ABLIM1: variants seen among roughly 807,000 people sequenced by gnomAD.
ABLIM1 encodes actin binding LIM protein 1, also known as actin-binding LIM protein 1.
A neutral mutation model predicts 107.0 loss-of-function variants in ABLIM1; 40 were observed. The ratio of observed to expected loss-of-function variants is 0.37; its 90% CI spans 0.29 to 0.49. The LOEUF (loss-of-function observed/expected upper bound fraction) is 0.49. ABLIM1 is among the 20% of genes least tolerant of loss of function. ABLIM1 has a pLI of 0.97. For missense variants in ABLIM1, 857 were observed against 1,008.5 expected, an observed-to-expected ratio of 0.85 and a Z score of 2.04; for synonymous variants, 357 against 357.3, an observed-to-expected ratio of 1.00 and a Z score of 0.01.
At chr10:114,776,902 G>A in the ABLIM1 span, among the ~76,000 whole-genome samples, 1 of 152,162 alleles carries the variant, frequency 6.6e-6, no homozygotes, top group Admixed American at 6.5e-5. Flanking sequence ...ACAGGTGTGA[G>A]CCATCACACC....
At chr10:114,662,434 C>T (rs887704361), upstream of ABLIM1, among the ~76,000 whole-genome samples, 4 of 152,034 alleles carry the variant, frequency 2.6e-5, no homozygotes, top group African/African-American at 4.8e-5. Context: ...TGCTCAGCAG[C>T]GGCTATCCCT....
intron 1 of ABLIM1, among the ~76,000 whole-genome samples, chr10:114,624,937 C>G (rs1182373849): frequency 6.6e-6 from 1 of 152,016 alleles, no homozygotes; most frequent in African/African-American, 2.4e-5. Context: ...TTCTCTCAAG[C>G]AGAATATGAT....
At chr10:114,651,432 C>G (rs1240082230) in intron 1 of ABLIM1, among the ~76,000 whole-genome samples, 1 of 152,130 alleles carries the variant, frequency 6.6e-6, no homozygotes. Flanking sequence ...TAACCTGCAG[C>G]CTGCTGGGCC....
chr10:114,447,839 T>C (rs1398435293), intron 15 of ABLIM1, 41 bp downstream of exon 15: 2 of 1,611,394 alleles, frequency 1.2e-6, no homozygotes, highest in Non-Finnish European at 1.7e-6. Flanking sequence ...TGAGCTCTCC[T>C]AGCAGTTTGT....
chr10:114,716,076 C>T (rs1163903353), intron 1 of ABLIM1, among the ~76,000 whole-genome samples: 1 of 152,138 alleles, frequency 6.6e-6, no homozygotes, highest in African/African-American at 2.4e-5. Flanking sequence ...AGTGTTTCCA[C>T]AAAATGGTAT....
chr10:114,532,472 G>T (rs1204200644), intron 6 of ABLIM1, among the ~76,000 whole-genome samples: 6 of 152,210 alleles, frequency 3.9e-5, no homozygotes, highest in African/African-American at 4.8e-5. Flanking sequence ...GCACATTCAG[G>T]TGTGAAACAG....
At chr10:114,683,574 G>C (rs60092663) in intron 1 of ABLIM1, among the ~76,000 whole-genome samples, 52 of 152,078 alleles carry the variant, frequency 3.4e-4, no homozygotes, top group Admixed American at 3.4e-3. Context: ...GAAGAGTGGC[G>C]AGATTGGAAG....
chr10:114,754,140 CT>C (rs955396567), intron 1 of ABLIM1, among the ~76,000 whole-genome samples: 1 of 152,206 alleles, frequency 6.6e-6, no homozygotes, highest in Admixed American at 6.5e-5. Context: ...GTGTGAGCCA[CT>C]GCGCCCAGCC....
intron 6 of ABLIM1, among the ~76,000 whole-genome samples, chr10:114,519,927 C>T (rs577346221): frequency 2.4e-4 from 36 of 152,330 alleles, no homozygotes; most frequent in African/African-American, 8.4e-4. Context: ...GATTATGTGC[C>T]AAGGAAAGCT....
chr10:114,612,674 A>C (rs1008134621), intron 1 of ABLIM1, among the ~76,000 whole-genome samples: 2 of 152,218 alleles, frequency 1.3e-5, no homozygotes, highest in African/African-American at 4.8e-5. Flanking sequence ...CTTAGAAATG[A>C]ATCCAGTCTA....
chr10:114,770,718 G>C (rs142026035), upstream of ABLIM1, among the ~76,000 whole-genome samples: 210 of 152,280 alleles, frequency 1.4e-3, no homozygotes, highest in Non-Finnish European at 2.5e-3. Flanking sequence ...TGAAATCAGG[G>C]ACTTGGCCAG....
chr10:114,781,460 T>C, the ABLIM1 span, among the ~76,000 whole-genome samples: 1 of 151,420 alleles, frequency 6.6e-6, no homozygotes, highest in African/African-American at 2.4e-5. Flanking sequence ...GCCGAGATCA[T>C]GCCACTGCAC....
At chr10:114,672,925 T>C (rs2080316864) in intron 1 of ABLIM1, among the ~76,000 whole-genome samples, 1 of 151,890 alleles carries the variant, frequency 6.6e-6, no homozygotes, top group African/African-American at 2.4e-5. Flanking sequence ...CATATGTGAG[T>C]GGTATTGTTT....
At chr10:114,533,340 CA>C (rs963752896) in intron 6 of ABLIM1, among the ~76,000 whole-genome samples, 4 of 147,982 alleles carry the variant, frequency 2.7e-5, no homozygotes, top group Admixed American at 2.0e-4. Flanking sequence ...GACTCTGTCT[CA>C]AAAAAAAATA....
chr10:114,453,499 T>A lies in ABLIM1; in HGVS notation c.1442-16A>T. The A allele has an allele frequency of 1.3e-6, 2 of 1,505,090 alleles. No individual in the cohort carries two copies. The highest frequency in any genetic ancestry group is 1.4e-5 in the African/African-American group (1 of 70,304). The allele number at this position is 1,505,090 out of a possible 1,614,324, so 93.2% of individuals were successfully genotyped here. ...GGCTCATTGCCTCCAATGAGAAGAATGGAAAAAACAAAATGAGAGAAGGGA... is the reference window on the plus strand; with the variant it reads ...GGCTCATTGCCTCCAATGAGAAGAAAGGAAAAAACAAAATGAGAGAAGGGA... On this transcript the variant is annotated splice_polypyrimidine_tract_variant and intron_variant, in intron 12 of 22. Coordinates refer to ENST00000533213, the MANE Select transcript of ABLIM1 (RefSeq NM_002313.7).
At chr10:114,716,412 C>A (rs74158039) in intron 1 of ABLIM1, among the ~76,000 whole-genome samples, 327 of 126,610 alleles carry the variant, frequency 2.6e-3, no homozygotes, top group Middle Eastern at 0.011. Flanking sequence ...TAGAGAGAAA[C>A]ACACACACAC....
Position 114,563,353 on chromosome 10 carries a change from C to T in ABLIM1, c.673+7944G>A, listed in dbSNP as rs118124155. ...TTGATTCAATTTCCGGAACTTTTAT[C>T]TAGGACTTTAAGTGCTAGGCCTTGT... On this transcript the variant is annotated intron_variant, in intron 4 of 22. Coordinates refer to ENST00000533213, the MANE Select transcript of ABLIM1 (RefSeq NM_002313.7). Among the ~76,000 whole-genome samples, 621 of 152,242 alleles carry T rather than the reference C, an allele frequency of 4.1e-3. 1 individual carries two copies. The highest frequency in any genetic ancestry group is 7.3e-3 in the Non-Finnish European group (497 of 68,018).
chr10:114,502,711 G>A (rs2060592788), intron 6 of ABLIM1, among the ~76,000 whole-genome samples: 1 of 152,082 alleles, frequency 6.6e-6, no homozygotes, highest in Non-Finnish European at 1.5e-5. Context: ...AGGCCAGACT[G>A]GTCTCGAGCT....
intron 4 of ABLIM1, among the ~76,000 whole-genome samples, chr10:114,552,491 G>GAAAAAAAAAAAAAAAAAAAAAAA (rs68058352): frequency 8.3e-6 from 1 of 120,662 alleles, no homozygotes. Context: ...ACCTAACATG[G>GAAAAAAAAAAAAAAAAAAAAAAA]AAAAAAAAAA....
Sources: gnomAD v4.1 joint callset for allele counts (sites outside exome capture counted in the v4.1 genomes callset) on GRCh38, gnomAD v4.1.1 for gene constraint, MANE v1.5 for transcripts, NCBI Gene and HGNC (gene_info 2026-07-23, HGNC 2026-07-21) for gene names.